The following CADM2 variants were observed in gnomAD, a reference collection of about 807,000 sequenced individuals.
CADM2 encodes the protein immunoglobulin superfamily member 4D.
CADM2 carries 12 observed loss-of-function variants against 49.8 expected under a neutral mutation model. The ratio of observed to expected loss-of-function variants is 0.24; its 90% CI spans 0.15 to 0.39. CADM2 has a LOEUF of 0.39. CADM2 is among the 10% of genes least tolerant of loss of function. The pLI, the probability that CADM2 is intolerant of heterozygous loss-of-function variation, is 1.00. For missense variants in CADM2, 378 were observed against 492.3 expected, an observed-to-expected ratio of 0.77 and a Z score of 2.20; for synonymous variants, 214 against 175.4, an observed-to-expected ratio of 1.22 and a Z score of -1.74.
chr3:86,013,625 T>G (rs1577950388), intron 8 of CADM2: 1 of 1,599,766 alleles, frequency 6.3e-7, no homozygotes, highest in Non-Finnish European at 8.5e-7. Flanking sequence ...TCTTTTCCAT[T>G]ATCACTGACG....
intron 2 of CADM2, among the ~76,000 whole-genome samples, chr3:85,795,480 C>G (rs995289701): frequency 6.6e-6 from 1 of 152,142 alleles, no homozygotes; most frequent in African/African-American, 2.4e-5. Context: ...TTTTAGGCTG[C>G]GGGTCCTAGA....
At chr3:85,780,623 C>A (rs2070587613) in intron 2 of CADM2, among the ~76,000 whole-genome samples, 1 of 152,168 alleles carries the variant, frequency 6.6e-6, no homozygotes, top group Non-Finnish European at 1.5e-5. Context: ...TTTCAGTTAG[C>A]AAAGTCCCTC....
intron 1 of CADM2, among the ~76,000 whole-genome samples, chr3:85,508,357 A>C (rs1277379760): frequency 6.6e-6 from 1 of 152,174 alleles, no homozygotes; most frequent in East Asian, 1.9e-4. Context: ...TCTGTCTTAT[A>C]CTATGATCTA....
At chr3:85,597,199 TA>T (rs920095324) in intron 1 of CADM2, among the ~76,000 whole-genome samples, 8 of 145,294 alleles carry the variant, frequency 5.5e-5, no homozygotes, top group Admixed American at 1.4e-4. Context: ...TTGTCAAGAT[TA>T]AAAAAATGCT....
intron 1 of CADM2, among the ~76,000 whole-genome samples, chr3:84,966,695 A>G (rs1020398422): frequency 3.9e-5 from 6 of 152,072 alleles, no homozygotes; most frequent in African/African-American, 7.2e-5. Context: ...GCCATTAACT[A>G]TTCACATTAT....
chr3:85,105,130 G>A (rs2038162195), intron 1 of CADM2, among the ~76,000 whole-genome samples: 1 of 151,986 alleles, frequency 6.6e-6, no homozygotes, highest in African/African-American at 2.4e-5. Flanking sequence ...GGTGAGAAAG[G>A]GCATCCCTGT....
In CADM2 at chr3:85,819,910, T is replaced by C. The variant is rs182339651; in HGVS notation, c.238+17714T>C. Among the ~76,000 whole-genome samples the C allele has an allele frequency of 3.1e-3, 465 of 152,056 alleles. 2 individuals are homozygous for C. The highest frequency in any genetic ancestry group is 4.9e-3 in the Non-Finnish European group (332 of 67,988). On this transcript the variant is annotated intron_variant, in intron 3 of 9. Transcript: ENST00000383699. ...AGTGAACATATGGTTTGTCTGAGAG[T>C]GCAAAATTCTGTGAAGAAACAAAAC... is the stretch of plus-strand genomic sequence containing the variant.
intron 1 of CADM2, among the ~76,000 whole-genome samples, chr3:85,156,393 C>G (rs1430155302): frequency 2.6e-5 from 4 of 151,988 alleles, no homozygotes; most frequent in African/African-American, 7.2e-5. Context: ...ATAAATTCCT[C>G]GACACATACA....
intron 1 of CADM2, among the ~76,000 whole-genome samples, chr3:84,966,906 G>C (rs2031041248): frequency 6.6e-6 from 1 of 151,726 alleles, no homozygotes; most frequent in African/African-American, 2.4e-5. Context: ...GCATTGCTTA[G>C]AAAATAAAAA....
At chr3:86,005,158 C>A (rs1347446763) in intron 8 of CADM2, among the ~76,000 whole-genome samples, 1 of 152,274 alleles carries the variant, frequency 6.6e-6, no homozygotes, top group Middle Eastern at 3.4e-3. Flanking sequence ...TGTGGCTCTG[C>A]TTTTAATACA....
intron 2 of CADM2, among the ~76,000 whole-genome samples, chr3:85,731,746 A>G (rs1182314509): frequency 2.0e-5 from 3 of 152,062 alleles, no homozygotes; most frequent in East Asian, 1.9e-4. Flanking sequence ...TTAAAAAACA[A>G]AGTACATAAA....
At chr3:85,292,894 G>C (rs1421723889) in intron 1 of CADM2, among the ~76,000 whole-genome samples, 2 of 151,894 alleles carry the variant, frequency 1.3e-5, no homozygotes, top group South Asian at 4.1e-4. Context: ...AAAAGCAAGA[G>C]CAAACACATT....
At chr3:85,196,835 C>T (rs1270081156) in intron 1 of CADM2, among the ~76,000 whole-genome samples, 1 of 151,980 alleles carries the variant, frequency 6.6e-6, no homozygotes. Context: ...ACTCCATTTC[C>T]TGCTAAGTGG....
intron 3 of CADM2, among the ~76,000 whole-genome samples, chr3:85,826,256 G>A (rs1486694808): frequency 3.3e-5 from 5 of 151,904 alleles, no homozygotes; most frequent in Non-Finnish European, 7.4e-5. Context: ...TGGCATATGT[G>A]CAATTACTGG....
At chr3:85,664,393 C>T (rs868384002) in intron 1 of CADM2, among the ~76,000 whole-genome samples, 9 of 152,100 alleles carry the variant, frequency 5.9e-5, no homozygotes, top group Middle Eastern at 6.8e-3. Flanking sequence ...CAAATGATTT[C>T]GCATTTCAAG....
At chr3:85,641,904 C>A (rs949430090) in intron 1 of CADM2, among the ~76,000 whole-genome samples, 1 of 151,918 alleles carries the variant, frequency 6.6e-6, no homozygotes, top group African/African-American at 2.4e-5. Flanking sequence ...GCACTCCAGC[C>A]TGGGCAACAG....
chr3:85,310,076 A>T (rs2044307266), intron 1 of CADM2, among the ~76,000 whole-genome samples: 1 of 152,174 alleles, frequency 6.6e-6, no homozygotes, highest in Admixed American at 6.5e-5. Context: ...TCCTTTTGGG[A>T]AACAGAAAAG....
intron 1 of CADM2, among the ~76,000 whole-genome samples, chr3:85,696,442 T>C (rs928865064): frequency 2.0e-5 from 3 of 152,120 alleles, no homozygotes; most frequent in Non-Finnish European, 2.9e-5. Flanking sequence ...TTAATTTTTG[T>C]ATATGATGAG....
intron 6 of CADM2, among the ~76,000 whole-genome samples, chr3:85,931,174 A>T (rs1351748701): frequency 6.6e-6 from 1 of 151,996 alleles, no homozygotes; most frequent in Non-Finnish European, 1.5e-5. Flanking sequence ...GGAGTTCGAG[A>T]CCAGCCTGGG....
Sources: gnomAD v4.1 joint callset for allele counts (sites outside exome capture counted in the v4.1 genomes callset) on GRCh38, gnomAD v4.1.1 for gene constraint, MANE v1.5 for transcripts, NCBI Gene and HGNC (gene_info 2026-07-23, HGNC 2026-07-21) for gene names.